Variants in AGAP1 observed in about 807,000 individuals in gnomAD.
AGAP1 encodes arf-GAP with GTPase, ANK repeat and PH domain-containing protein 1.
AGAP1 carries 29 observed loss-of-function variants against 105.3 expected under a neutral mutation model. The ratio of observed to expected loss-of-function variants is 0.28; its 90% CI spans 0.21 to 0.38. The LOEUF (loss-of-function observed/expected upper bound fraction) is 0.38, where lower values mean the gene tolerates loss of function less well. Among genes scored for constraint, AGAP1 ranks in the 10% least tolerant of loss-of-function variants. The pLI is 1.00. For missense variants in AGAP1, 998 were observed against 1,165.1 expected (o/e 0.86, Z 2.09); for synonymous variants, 509 against 485.9 (o/e 1.05, Z -0.63).
At chr2:235,774,909 A>G (rs1955746214) in intron 6 of AGAP1, among the ~76,000 whole-genome samples, 1 of 152,142 alleles carries the variant, frequency 6.6e-6, no homozygotes, top group Admixed American at 6.6e-5. Context: ...CCAGGCTACA[A>G]AAACGAAGCC....
chr2:235,715,531 G>A (rs531758116), intron 2 of AGAP1, among the ~76,000 whole-genome samples: 7 of 152,304 alleles, frequency 4.6e-5, no homozygotes, highest in Non-Finnish European at 1.0e-4. Flanking sequence ...TGGACCTGCT[G>A]GGCCTGTTAG....
chr2:235,928,234 C>G (rs187264665), intron 11 of AGAP1, among the ~76,000 whole-genome samples: 1 of 152,158 alleles, frequency 6.6e-6, no homozygotes, highest in Admixed American at 6.5e-5. Context: ...GTGATGAAAG[C>G]GGAACCAGGC....
intron 6 of AGAP1, among the ~76,000 whole-genome samples, chr2:235,766,569 A>G (rs1180885106): frequency 6.6e-6 from 1 of 152,236 alleles, no homozygotes; most frequent in African/African-American, 2.4e-5. Context: ...ACACAAATGC[A>G]GAAGTAAAAA....
chr2:235,819,963 G>T (rs1958697865), intron 9 of AGAP1, among the ~76,000 whole-genome samples: 1 of 149,032 alleles, frequency 6.7e-6, no homozygotes. Context: ...GAGTGCAATG[G>T]TGCGATCTCA....
At chr2:235,597,527 A>T (rs1317566804) in intron 1 of AGAP1, among the ~76,000 whole-genome samples, 2 of 152,182 alleles carry the variant, frequency 1.3e-5, no homozygotes, top group African/African-American at 4.8e-5. Flanking sequence ...AGCTGTAAAT[A>T]ACTGTCCAGA....
At position 236,052,335 on chromosome 2, in the gene AGAP1, A is replaced by C. The variant is rs540057671; in HGVS notation, c.2114+3054A>C. 3.9e-5 allele frequency among the ~76,000 whole-genome samples: 6 copies of C among 152,196 alleles called. No homozygotes were observed. The East Asian group carries it at 1.2e-3, about 29-fold the overall frequency. On this transcript the variant is annotated intron_variant, in intron 16 of 17. Coordinates refer to ENST00000304032, the MANE Select transcript of AGAP1 (RefSeq NM_001037131.3). ...TGCCCCCACCCCCAAACACACAAAC[A>C]CACACAGATTCAAGACCATGGGGAA...
At chr2:235,496,844 C>T (rs1028003934) in intron 1 of AGAP1, among the ~76,000 whole-genome samples, 1 of 151,650 alleles carries the variant, frequency 6.6e-6, no homozygotes, top group African/African-American at 2.4e-5. Flanking sequence ...ATTTTAGGCC[C>T]CTTCTTGGCC....
intron 16 of AGAP1, among the ~76,000 whole-genome samples, chr2:236,066,363 C>T (rs975365184): frequency 6.6e-6 from 1 of 152,136 alleles, no homozygotes; most frequent in African/African-American, 2.4e-5. Flanking sequence ...GTAGTTGGGA[C>T]TACAGACACC....
At chr2:236,028,689 G>A (rs537310548) in intron 13 of AGAP1, among the ~76,000 whole-genome samples, 78 of 152,124 alleles carry the variant, frequency 5.1e-4, no homozygotes, top group Admixed American at 1.1e-3. Flanking sequence ...CCAATCTCTC[G>A]GTCTTTCATT....
chr2:235,563,862 C>T (rs983058130), intron 1 of AGAP1, among the ~76,000 whole-genome samples: 1 of 152,150 alleles, frequency 6.6e-6, no homozygotes, highest in African/African-American at 2.4e-5. Context: ...TCTTGTTACC[C>T]TCTTTTACAA....
rs1473487872 is a variant in AGAP1 at position 235,891,876 on chromosome 2, AGGTGTGGTG to A, written c.1155+8429_1155+8437del. Among the ~76,000 whole-genome samples, 8 of 152,290 alleles carry A rather than the reference AGGTGTGGTG, an allele frequency of 5.3e-5. No individual in the cohort carries two copies. The East Asian group carries it at 1.5e-3, about 29-fold the overall frequency. ...ACTTTTAAAAAACCTCCTTCTGGCC[AGGTGTGGTG>A]GCTCACACCTGTAATCCCAGCACTT... is the stretch of plus-strand genomic sequence containing the variant. On this transcript the variant is annotated intron_variant, in intron 10 of 17. Transcript: ENST00000304032. This position sits in a 1 kb window ranked among gnomAD's most constrained non-coding sequence, Gnocchi z 4.2.
chr2:236,032,915 A>C (rs1390017756), intron 13 of AGAP1, among the ~76,000 whole-genome samples: 1 of 152,210 alleles, frequency 6.6e-6, no homozygotes, highest in Non-Finnish European at 1.5e-5. Flanking sequence ...TCTTCTGTCC[A>C]GTATACGGAG....
chr2:235,991,757 A>C (rs1021324034), intron 13 of AGAP1, among the ~76,000 whole-genome samples: 21 of 152,298 alleles, frequency 1.4e-4, no homozygotes, highest in African/African-American at 4.6e-4. Context: ...GCAGTTCCCA[A>C]ATCTAATGAA....
intron 1 of AGAP1, among the ~76,000 whole-genome samples, chr2:235,706,034 A>G (rs1008921251): frequency 5.3e-5 from 8 of 152,162 alleles, no homozygotes; most frequent in African/African-American, 1.7e-4. Context: ...TTAATTTCTT[A>G]TGTGCCAAAT....
intron 1 of AGAP1, among the ~76,000 whole-genome samples, chr2:235,584,968 C>T (rs1456931864): frequency 1.3e-5 from 2 of 150,650 alleles, no homozygotes; most frequent in African/African-American, 4.9e-5. Flanking sequence ...GGCGTCACCC[C>T]CCTACCCACT....
chr2:235,915,165 A>AC (rs1185159318), intron 11 of AGAP1, among the ~76,000 whole-genome samples: 8 of 151,578 alleles, frequency 5.3e-5, no homozygotes, highest in Non-Finnish European at 1.2e-4. Context: ...TGCAGAGAAA[A>AC]CCCCTTCATC....
At position 235,931,642 on chromosome 2, in the gene AGAP1, A is replaced by G. The variant is rs1404755424; in HGVS notation, c.1483+719A>G. On this transcript the variant is annotated intron_variant, in intron 12 of 17. Coordinates refer to ENST00000304032, the MANE Select transcript of AGAP1 (RefSeq NM_001037131.3). This position sits in a 1 kb window ranked among gnomAD's most constrained non-coding sequence, Gnocchi z 5.6. ...GAATTCCCACTGTTGTATGTAATCT[A>G]TCAGACGGGGTTTTAGAGTAATCTT... Among the ~76,000 whole-genome samples the G allele has an allele frequency of 6.6e-6, 1 of 152,022 alleles. No individual in the cohort carries two copies. The highest frequency in any genetic ancestry group is 2.4e-5 in the African/African-American group (1 of 41,402).
At chr2:235,761,179 A>C (rs1954406851) in intron 6 of AGAP1, among the ~76,000 whole-genome samples, 1 of 152,112 alleles carries the variant, frequency 6.6e-6, no homozygotes, top group Non-Finnish European at 1.5e-5. Flanking sequence ...ACAATAAATA[A>C]ATTGTTATTT....
In AGAP1 at chr2:235,908,692, C is replaced by CTTT. The variant is rs8178997; in HGVS notation, c.1156-34_1156-32dup. On this transcript the variant is annotated intron_variant, in intron 10 of 17. Coordinates refer to ENST00000304032, the MANE Select transcript of AGAP1 (RefSeq NM_001037131.3). The surrounding 1 kb of genome is among the most constrained non-coding windows in gnomAD (Gnocchi z 4.4). ...CCTTTTGTTCTAGGTTGTAAAAGGT[C>CTTT]TTTTTTTTTTTTTTATCTCTCTTGG... 9 of 1,368,322 alleles carry CTTT rather than the reference C, an allele frequency of 6.6e-6. No individual in the cohort carries two copies. The African/African-American group carries it at 8.9e-5, about 13-fold the overall frequency. The allele number at this position is 1,368,322 out of a possible 1,614,324, so 84.8% of individuals were successfully genotyped here. A position where few individuals can be genotyped will look rare whatever the true frequency, so the allele number is the denominator to read the frequency against.
Sources: gnomAD v4.1 joint callset for allele counts (sites outside exome capture counted in the v4.1 genomes callset) on GRCh38, gnomAD v4.1.1 for gene constraint, Gnocchi (gnomAD v3.1) non-coding constraint, MANE v1.5 for transcripts, NCBI Gene and HGNC (gene_info 2026-07-23, HGNC 2026-07-21) for gene names.